The following TRPM3 variants were observed in gnomAD, a reference collection of about 807,000 sequenced individuals.
TRPM3 encodes transient receptor potential cation channel subfamily M member 3, also known as long transient receptor potential channel 3.
Under a neutral mutation model 181.2 loss-of-function variants are expected in TRPM3, and 77 were observed. The observed-to-expected ratio is 0.42, with a 90% CI of 0.35 to 0.51. The LOEUF is 0.51. Ranked by LOEUF, TRPM3 falls within the 20% of genes least tolerant of loss-of-function variation. The pLI is 0.01. For missense variants in TRPM3, 1,759 were observed against 2,196.7 expected (o/e 0.80, Z 3.98); for synonymous variants, 745 against 796.4 (o/e 0.94, Z 1.09).
intron 9 of TRPM3, among the ~76,000 whole-genome samples, chr9:70,642,728 C>T (rs1326468989): frequency 2.0e-5 from 3 of 152,296 alleles, no homozygotes; most frequent in Admixed American, 2.0e-4. Context: ...GAGATACTGA[C>T]GTTATAAATT....
At chr9:70,573,023 T>C (rs1320066685) in intron 22 of TRPM3, among the ~76,000 whole-genome samples, 1 of 152,196 alleles carries the variant, frequency 6.6e-6, no homozygotes, top group Non-Finnish European at 1.5e-5. Flanking sequence ...GTACATGTAG[T>C]CATAGAAGAA....
rs74762855 is a variant in TRPM3, at chr9:70,768,661, C to T, written c.1149-6937G>A. Among the ~76,000 whole-genome samples the T allele has an allele frequency of 9.0e-3, 1,374 of 151,896 alleles. 24 individuals carry two copies. Among genetic ancestry groups the T allele is most frequent in the African/African-American group, 0.032 (1,306 of 41,428 alleles). ...TTGGGCCAGGTGTGGTGGCTCACAT[C>T]GATAATCCCAGTGCTTTGGGAGCCT... On this transcript the variant is annotated intron_variant, in intron 7 of 25. Coordinates refer to ENST00000677713, the MANE Select transcript of TRPM3 (RefSeq NM_001366145.2).
At chr9:71,343,899 A>T (rs1384826868) in intron 1 of TRPM3, among the ~76,000 whole-genome samples, 1 of 152,132 alleles carries the variant, frequency 6.6e-6, no homozygotes, top group Admixed American at 6.6e-5. Flanking sequence ...TTTCAAAAGG[A>T]ATGGGGACTC....
intron 1 of TRPM3, among the ~76,000 whole-genome samples, chr9:71,309,543 T>C (rs536231677): frequency 6.6e-6 from 1 of 152,308 alleles, no homozygotes; most frequent in Non-Finnish European, 1.5e-5. Context: ...AAGTATGCTC[T>C]GCAAAATCCA....
At chr9:71,226,244 A>G (rs533290139) in intron 1 of TRPM3, among the ~76,000 whole-genome samples, 38 of 152,226 alleles carry the variant, frequency 2.5e-4, no homozygotes, top group Admixed American at 1.2e-3. Flanking sequence ...CACCTTCATT[A>G]AAAGGAAGAT....
chr9:71,121,034 A>T (rs1730535312), intron 1 of TRPM3, 144 bp downstream of exon 1: 1 of 700,334 alleles, frequency 1.4e-6, no homozygotes, highest in Non-Finnish European at 2.3e-6. Context: ...GAGTACTGAG[A>T]ACCTCTCTCC....
At chr9:71,054,093 G>A (rs1227018574) in intron 1 of TRPM3, among the ~76,000 whole-genome samples, 1 of 152,128 alleles carries the variant, frequency 6.6e-6, no homozygotes, top group African/African-American at 2.4e-5. Flanking sequence ...CCTTTAGCAT[G>A]ATGTGTGGTA....
chr9:70,629,909 C>T (rs765102412), intron 12 of TRPM3, among the ~76,000 whole-genome samples: 13 of 152,148 alleles, frequency 8.5e-5, no homozygotes, highest in Non-Finnish European at 1.6e-4. Flanking sequence ...AGGAAGAAAT[C>T]GGTTTTATAA....
chr9:71,436,888 T>C (rs2094049649), intron 1 of TRPM3, among the ~76,000 whole-genome samples: 1 of 152,216 alleles, frequency 6.6e-6, no homozygotes, highest in Non-Finnish European at 1.5e-5. Flanking sequence ...ATTGGAAACT[T>C]AACACGATGC....
At chr9:71,170,038 T>A (rs2076772632) in intron 1 of TRPM3, among the ~76,000 whole-genome samples, 1 of 149,418 alleles carries the variant, frequency 6.7e-6, no homozygotes, top group Admixed American at 6.7e-5. Context: ...AAAGTCAGAC[T>A]TTACTGCTTA....
At chr9:70,996,639 G>A (rs556460456) in intron 1 of TRPM3, among the ~76,000 whole-genome samples, 5 of 152,048 alleles carry the variant, frequency 3.3e-5, no homozygotes, top group East Asian at 1.9e-4. Context: ...CTTTAGATCA[G>A]CTCCCTGTCT....
chr9:71,406,969 A>G (rs1032375460), intron 1 of TRPM3, among the ~76,000 whole-genome samples: 3 of 152,214 alleles, frequency 2.0e-5, no homozygotes, highest in Non-Finnish European at 4.4e-5. Context: ...ACTTATGTTG[A>G]GGACATTCAT....
chr9:70,910,203 T>C (rs1361519100), intron 1 of TRPM3, among the ~76,000 whole-genome samples: 1 of 152,224 alleles, frequency 6.6e-6, no homozygotes, highest in Non-Finnish European at 1.5e-5. Context: ...AATGGAATAC[T>C]ATGTAGCAGT....
chr9:70,814,838 G>A (rs1414481335), intron 6 of TRPM3, among the ~76,000 whole-genome samples: 1 of 151,576 alleles, frequency 6.6e-6, no homozygotes, highest in Non-Finnish European at 1.5e-5. Context: ...ACTTTCAAAG[G>A]TTTTCTTCCC....
intron 1 of TRPM3, among the ~76,000 whole-genome samples, chr9:71,022,459 C>T (rs2097854809): frequency 6.6e-6 from 1 of 152,106 alleles, no homozygotes. Context: ...CTTTGGGAGG[C>T]TGAGGTGGAA....
chr9:71,014,749 C>T (rs555867895), intron 1 of TRPM3, among the ~76,000 whole-genome samples: 7 of 152,178 alleles, frequency 4.6e-5, no homozygotes, highest in Non-Finnish European at 1.0e-4. Flanking sequence ...ATATTGTATA[C>T]AACATTGAGT....
chr9:71,176,097 T>C (rs1366090495), intron 1 of TRPM3, among the ~76,000 whole-genome samples: 6 of 152,186 alleles, frequency 3.9e-5, no homozygotes, highest in East Asian at 1.9e-4. Context: ...ATGATGTTAC[T>C]AGTGTATGCA....
intron 1 of TRPM3, among the ~76,000 whole-genome samples, chr9:71,035,362 TAAG>T (rs1430255546): frequency 6.6e-6 from 1 of 152,198 alleles, no homozygotes; most frequent in African/African-American, 2.4e-5. Flanking sequence ...TAACATATGT[TAAG>T]AAGAGGCACT....
At position 71,368,257 on chromosome 9, in the gene TRPM3, T is replaced by C. The variant is rs565764670; in HGVS notation, c.183+78396A>G. Among the ~76,000 whole-genome samples the C allele has an allele frequency of 3.9e-5, 6 of 152,308 alleles. No homozygotes were observed. The South Asian group carries it at 6.2e-4, about 16-fold the overall frequency. ...AAGTTGATTTGACCATCTGATTACT[T>C]GTTTGACAGCTGCAGAGTTTATCCA... On this transcript the variant is annotated intron_variant, in intron 1 of 24. Transcript: ENST00000357533.
Sources: gnomAD v4.1 joint callset for allele counts (sites outside exome capture counted in the v4.1 genomes callset) on GRCh38, gnomAD v4.1.1 for gene constraint, MANE v1.5 for transcripts, NCBI Gene and HGNC (gene_info 2026-07-23, HGNC 2026-07-21) for gene names.